The following LPIN1 variants were observed in gnomAD, a reference collection of about 807,000 sequenced individuals.
The protein encoded by LPIN1 is phosphatidate phosphatase LPIN1.
Under a neutral mutation model 107.5 loss-of-function variants are expected in LPIN1, and 71 were observed. The ratio of observed to expected loss-of-function variants is 0.66; its 90% CI spans 0.55 to 0.80. The LOEUF is 0.80. LPIN1 is among the 30% of genes least tolerant of loss of function. The pLI is 0.00. For missense variants in LPIN1, 1,043 were observed against 1,160.6 expected, an observed-to-expected ratio of 0.90 and a Z score of 1.47; for synonymous variants, 445 against 452.6, an observed-to-expected ratio of 0.98 and a Z score of 0.21.
At chr2:11,695,819 A>G (rs112179366) in intron 1 of LPIN1, among the ~76,000 whole-genome samples, 137 of 152,292 alleles carry the variant, frequency 9.0e-4, no homozygotes, top group African/African-American at 3.0e-3. Context: ...GAACCTTAGC[A>G]TGAGTGACTC....
At chr2:11,799,252 T>A (rs79933563) in intron 14 of LPIN1, among the ~76,000 whole-genome samples, 1 of 149,482 alleles carries the variant, frequency 6.7e-6, no homozygotes, top group Non-Finnish European at 1.5e-5. Flanking sequence ...ATTTAGTGGA[T>A]TTTTTTTTTA....
Position 11,819,468 on chromosome 2 carries a change from T to C in LPIN1, c.2403-16T>C, listed in dbSNP as rs779862679. The C allele has an allele frequency of 8.2e-6, 12 of 1,467,668 alleles. No individual in the cohort carries two copies. The South Asian group carries it at 1.0e-4, about 12-fold the overall frequency. 90.9% of individuals were successfully genotyped at this position (1,467,668 alleles called of 1,614,324 possible). On this transcript the variant is annotated splice_polypyrimidine_tract_variant and intron_variant, in intron 18 of 20. Transcript: ENST00000674199. ...CTTAGCCTCTCATGTTAATCTGTTA[T>C]TTATTTGTTTAACAGAGAAGTGATT...
chr2:11,725,789 C>T (rs1664580810), intron 1 of LPIN1, among the ~76,000 whole-genome samples: 1 of 152,194 alleles, frequency 6.6e-6, no homozygotes, highest in Non-Finnish European at 1.5e-5. Context: ...GGCAGGGAAA[C>T]ACGTGGGCAC....
intron 1 of LPIN1, among the ~76,000 whole-genome samples, chr2:11,737,320 A>G (rs1665886426): frequency 6.6e-6 from 1 of 152,246 alleles, no homozygotes; most frequent in African/African-American, 2.4e-5. Flanking sequence ...GGACATAGGC[A>G]TGGGCAAAGA....
rs1377664869 is a variant in LPIN1, at chr2:11,765,383, TG to T, written c.-9-145del. 4 of 704,550 alleles carry T rather than the reference TG, an allele frequency of 5.7e-6. No homozygotes were observed. Among genetic ancestry groups the T allele is most frequent in the Non-Finnish European group, 9.4e-6 (4 of 424,916 alleles). The allele number at this position is 704,550 out of a possible 1,614,324, so 43.6% of individuals were successfully genotyped here. Reference sequence around the variant, plus strand: ...GGCCCTGATGGACCCTGATGGGCTATGGGGGTGGATAGAACACATTCCGGAA... The same window carrying T: ...GGCCCTGATGGACCCTGATGGGCTATGGGGTGGATAGAACACATTCCGGAA... On this transcript the variant is annotated intron_variant, in intron 1 of 20. Transcript: ENST00000674199. This position sits in a 1 kb window ranked among gnomAD's most constrained non-coding sequence, Gnocchi z 4.4.
Position 11,765,342 on chromosome 2 carries a change from GTGATGGGCCC to G in LPIN1, c.-9-174_-9-165del, listed in dbSNP as rs1475618777. Among the ~76,000 whole-genome samples, 8 of 151,924 alleles carry G rather than the reference GTGATGGGCCC, an allele frequency of 5.3e-5. No individual in the cohort carries two copies. In the East Asian group the frequency reaches 7.7e-4, roughly 15 times the overall value. ...GGGCCATGATGGACACTGATGGGCC[GTGATGGGCCC>G]TGATGGGCCCTGATGGACCCTGATG... On this transcript the variant is annotated intron_variant, in intron 1 of 20. Coordinates refer to ENST00000674199, the MANE Select transcript of LPIN1 (RefSeq NM_001349206.2). The surrounding 1 kb of genome is among the most constrained non-coding windows in gnomAD (Gnocchi z 4.4).
At chr2:11,792,772 C>G (rs1159733928) in intron 13 of LPIN1, among the ~76,000 whole-genome samples, 1 of 152,184 alleles carries the variant, frequency 6.6e-6, no homozygotes, top group Non-Finnish European at 1.5e-5. Flanking sequence ...AGGTCCATGG[C>G]TTTGGCGTTC....
intron 1 of LPIN1, among the ~76,000 whole-genome samples, chr2:11,739,594 G>T (rs1375148835): frequency 1.3e-5 from 2 of 152,128 alleles, no homozygotes; most frequent in African/African-American, 4.8e-5. Context: ...GAACATCAAG[G>T]CTCAAAAAGA....
At chr2:11,732,887 C>G (rs80061245) in intron 1 of LPIN1, among the ~76,000 whole-genome samples, 1 of 142,656 alleles carries the variant, frequency 7.0e-6, no homozygotes, top group Non-Finnish European at 1.5e-5. Flanking sequence ...ATTTCTCTCT[C>G]TCTCTTTCTC....
chr2:11,736,794 C>T (rs1374832188), intron 1 of LPIN1, among the ~76,000 whole-genome samples: 5 of 152,228 alleles, frequency 3.3e-5, no homozygotes, highest in African/African-American at 1.2e-4. Flanking sequence ...TGCCCCCTTC[C>T]CTTTGCAGCC....
intron 2 of LPIN1, among the ~76,000 whole-genome samples, chr2:11,718,252 G>A (rs547932232): frequency 7.9e-5 from 12 of 152,216 alleles, no homozygotes; most frequent in Non-Finnish European, 1.6e-4. Context: ...ATTTGAGATG[G>A]AGTCTTGCTC....
chr2:11,823,704 G>A (rs1275331662), intron 20 of LPIN1, among the ~76,000 whole-genome samples: 2 of 152,188 alleles, frequency 1.3e-5, no homozygotes, highest in Admixed American at 1.3e-4. Context: ...GTTTGGAGGT[G>A]CCTGGAGGTC....
chr2:11,779,584 G>C lies in LPIN1; in HGVS notation c.896G>C (p.Arg299Thr). Residue 299 changes from arginine to threonine, a missense_variant, in exon 7 of 21, where the codon AGG becomes ACG. Coordinates refer to ENST00000674199, the MANE Select transcript of LPIN1 (RefSeq NM_001349206.2). ...DSELVSKSTERTGQKNPEMLW... is the reference protein window; with the variant it reads ...DSELVSKSTETTGQKNPEMLW... ...GAATTGGTCAGCAAGTCCACGGAAA[G>C]GACAGGGCAGAAGAACCCAGAAATG... 1 of 1,614,144 alleles carries C rather than the reference G, an allele frequency of 6.2e-7. No individual in the cohort carries two copies. The highest frequency in any genetic ancestry group is 8.5e-7 in the Non-Finnish European group (1 of 1,180,022).
In LPIN1 at chr2:11,825,253, C is replaced by A; in HGVS notation, c.*462C>A. The A allele has an allele frequency of 4.5e-6, 1 of 222,558 alleles. No homozygotes were observed. The highest frequency in any genetic ancestry group is 9.1e-6 in the Non-Finnish European group (1 of 110,006). 13.8% of individuals were successfully genotyped at this position (222,558 alleles called of 1,614,324 possible). A position where few individuals can be genotyped will look rare whatever the true frequency, so the allele number is the denominator to read the frequency against. On this transcript the variant is annotated 3_prime_UTR_variant, in exon 21 of 21. Transcript: ENST00000674199. The surrounding 1 kb of genome is among the most constrained non-coding windows in gnomAD (Gnocchi z 4.1). ...CATTATAGCAATGTTAGTGCCACCA[C>A]CTTCTGAACACAGTGGGGAGGGCTG...
intron 1 of LPIN1, among the ~76,000 whole-genome samples, chr2:11,732,913 G>C (rs10193631): frequency 0.33 from 41,909 of 126,376 alleles, 6,376 homozygotes; most frequent in Non-Finnish European, 0.41. Flanking sequence ...CTCTCTCTCT[G>C]TGTGTGTGTG....
At chr2:11,745,649 G>T (rs1355283694), upstream of LPIN1, among the ~76,000 whole-genome samples, 1 of 152,252 alleles carries the variant, frequency 6.6e-6, no homozygotes, top group South Asian at 2.1e-4. Context: ...GGTGAAGGCT[G>T]CAGTGAACCG....
intron 1 of LPIN1, among the ~76,000 whole-genome samples, chr2:11,759,979 C>T (rs1302387487): frequency 6.9e-6 from 1 of 144,710 alleles, no homozygotes; most frequent in African/African-American, 2.6e-5. Context: ...GGCTGCCGGG[C>T]GGAGGGGCTC....
intron 1 of LPIN1, among the ~76,000 whole-genome samples, chr2:11,686,272 T>C (rs1294260234): frequency 6.9e-6 from 1 of 145,354 alleles, no homozygotes; most frequent in African/African-American, 2.4e-5. Context: ...TTGGCACTTA[T>C]CATGTGATCA....
chr2:11,778,181 C>T (rs910894399), intron 6 of LPIN1, among the ~76,000 whole-genome samples: 1 of 152,186 alleles, frequency 6.6e-6, no homozygotes, highest in Non-Finnish European at 1.5e-5. Flanking sequence ...CCCTAAAGGG[C>T]AGAAATGTGT....
Sources: gnomAD v4.1 joint callset for allele counts (sites outside exome capture counted in the v4.1 genomes callset) on GRCh38, gnomAD v4.1.1 for gene constraint, Gnocchi (gnomAD v3.1) non-coding constraint, MANE v1.5 for transcripts, NCBI Gene and HGNC (gene_info 2026-07-23, HGNC 2026-07-21) for gene names.